The following SCUBE3 variants were observed in gnomAD, a reference collection of about 807,000 sequenced individuals.
The protein encoded by SCUBE3 is signal peptide, CUB and EGF-like domain-containing protein 3.
In SCUBE3, 33 loss-of-function variants were observed where a neutral mutation model predicts 116.8. The ratio of observed to expected loss-of-function variants is 0.28; its 90% CI spans 0.21 to 0.38. The LOEUF is 0.38. SCUBE3 is among the 10% of genes least tolerant of loss of function. The pLI is 1.00. For synonymous variants in SCUBE3, 418 were observed against 496.9 expected (o/e 0.84, Z 2.11); for missense variants, 1,007 against 1,324.8 (o/e 0.76, Z 3.72).
rs375209149 is a variant in SCUBE3 at position 35,227,725 on chromosome 6, A to G, written c.208+23A>G. On this transcript the variant is annotated intron_variant, in intron 2 of 21. Transcript: ENST00000274938. ...AAGGTGAGGCTGGAAGGGCACCTGG[A>G]GGAGAGGGACCTGTGGAAGAAGGCA... 3 of 1,613,522 alleles carry G rather than the reference A, an allele frequency of 1.9e-6. No homozygotes were observed. The East Asian group carries it at 6.7e-5, about 36-fold the overall frequency.
chr6:35,252,991 G>A lies in SCUBE3; in HGVS notation c.*4286G>A, dbSNP rs1784605231. 6.6e-6 allele frequency: 1 copy of A among 152,036 alleles called. No individual in the cohort carries two copies. Among genetic ancestry groups the A allele is most frequent in the African/African-American group, 2.4e-5 (1 of 41,382 alleles). 9.4% of individuals were successfully genotyped at this position (152,036 alleles called of 1,614,324 possible). ...AGTTCATAGAGTATTTTGCACTTGG[G>A]GAAAAATATGTATCTGAATTGTAAA... On this transcript the variant is annotated 3_prime_UTR_variant, in exon 22 of 22. Coordinates refer to ENST00000274938, the MANE Select transcript of SCUBE3 (RefSeq NM_152753.4).
rs1458802020 is a variant in SCUBE3, at chr6:35,248,924, ACTAC to A, written c.*223_*226del. On this transcript the variant is annotated 3_prime_UTR_variant, in exon 22 of 22. Coordinates refer to ENST00000274938, the MANE Select transcript of SCUBE3 (RefSeq NM_152753.4). Reference sequence around the variant, plus strand: ...TCTACTGTTCCCCCTTTTCTAACACACTACCTAGAAAAGCCATTCAGTACTGGCT... The same window carrying A: ...TCTACTGTTCCCCCTTTTCTAACACACTAGAAAAGCCATTCAGTACTGGCT... 3.5e-6 allele frequency: 2 copies of A among 564,726 alleles called. No individual in the cohort carries two copies. Among genetic ancestry groups the A allele is most frequent in the Non-Finnish European group, 6.3e-6 (2 of 318,500 alleles). The allele number at this position is 564,726 out of a possible 1,614,324, so 35.0% of individuals were successfully genotyped here. A position where few individuals can be genotyped will look rare whatever the true frequency, so the allele number is the denominator to read the frequency against.
Position 35,241,738 on chromosome 6 carries a change from C to T in SCUBE3, c.1313-68C>T, listed in dbSNP as rs1424334375. 5 of 1,505,818 alleles carry T rather than the reference C, an allele frequency of 3.3e-6. No homozygotes were observed. Among genetic ancestry groups the T allele is most frequent in the Middle Eastern group, 1.7e-4 (1 of 5,868 alleles). 93.3% of individuals were successfully genotyped at this position (1,505,818 alleles called of 1,614,324 possible). The stretch of plus-strand genomic sequence containing the variant: ...GCCGTTCAGGCAGCTCCTTCATTCC[C>T]CCTGGATTCCTCCAGCCAGCGGGGG... On this transcript the variant is annotated intron_variant, in intron 11 of 21. Transcript: ENST00000274938. The surrounding 1 kb of genome is among the most constrained non-coding windows in gnomAD (Gnocchi z 4.1).
intron 1 of SCUBE3, among the ~76,000 whole-genome samples, chr6:35,217,724 A>G (rs1782980831): frequency 6.6e-6 from 1 of 152,076 alleles, no homozygotes; most frequent in Admixed American, 6.5e-5. Flanking sequence ...TCAGCGGGTA[A>G]GGGTGGCCCC....
chr6:35,246,154 A>AG (rs1319143489), intron 20 of SCUBE3, 52 bp from the exon 21 acceptor site: 5 of 1,611,450 alleles, frequency 3.1e-6, no homozygotes, highest in Non-Finnish European at 4.2e-6. Flanking sequence ...GGGAACCAGG[A>AG]GAGCAGGAAG....
At chr6:35,238,800 G>A (rs774483689) in intron 7 of SCUBE3, among the ~76,000 whole-genome samples, 21 of 152,170 alleles carry the variant, frequency 1.4e-4, no homozygotes, top group Non-Finnish European at 2.8e-4. Context: ...TGAAAATGAT[G>A]ATTCATTAGG....
Position 35,227,490 on chromosome 6 carries a change from G to T in SCUBE3, c.86-90G>T, listed in dbSNP as rs533733799. The stretch of plus-strand genomic sequence containing the variant: ...GGGTCACTGCCTCTGTTTTAGAGAA[G>T]AGGGGATTCTGCCCTTGGAAGCCCA... On this transcript the variant is annotated intron_variant, in intron 1 of 21. Coordinates refer to ENST00000274938, the MANE Select transcript of SCUBE3 (RefSeq NM_152753.4). The T allele has an allele frequency of 5.1e-5, 71 of 1,391,094 alleles. No individual in the cohort carries two copies. The South Asian group carries it at 7.9e-4, about 16-fold the overall frequency. 86.2% of individuals were successfully genotyped at this position (1,391,094 alleles called of 1,614,324 possible).
At chr6:35,229,151 G>A (rs916459262) in intron 3 of SCUBE3, among the ~76,000 whole-genome samples, 3 of 152,184 alleles carry the variant, frequency 2.0e-5, no homozygotes, top group African/African-American at 4.8e-5. Context: ...GCTCACACCT[G>A]TAATCCCAGC....
In SCUBE3 at chr6:35,219,697, T is replaced by C. The variant is rs1290457799; in HGVS notation, c.85+5194T>C. Among the ~76,000 whole-genome samples the C allele has an allele frequency of 1.3e-5, 2 of 152,098 alleles. No individual in the cohort carries two copies. The highest frequency in any genetic ancestry group is 6.5e-5 in the Admixed American group (1 of 15,286). Reference sequence around the variant, plus strand: ...TGGGGAGTATCAGGATATGTGGGCATTGGGGGGAGGGCTGGGGAAGGGGAG... The same window carrying C: ...TGGGGAGTATCAGGATATGTGGGCACTGGGGGGAGGGCTGGGGAAGGGGAG... On this transcript the variant is annotated intron_variant, in intron 1 of 21. Coordinates refer to ENST00000274938, the MANE Select transcript of SCUBE3 (RefSeq NM_152753.4). The surrounding 1 kb of genome is among the most constrained non-coding windows in gnomAD (Gnocchi z 4.7).
Position 35,246,016 on chromosome 6 carries a change from C to G in SCUBE3, c.2672C>G (p.Ser891Cys), listed in dbSNP as rs1369571971. The change falls in exon 20 of 22, where the codon TCC (serine) becomes TGC (cysteine). Residue 891 changes from serine to cysteine, a missense_variant. By Grantham distance (112) the Ser-to-Cys change is moderately radical. This residue lies in a region of SCUBE3 where 118 missense variants were observed against 196.6 expected (regional missense o/e 0.60). Transcript: ENST00000274938. ...YERPIAFTAR[S>C]RKLWINFKTS... ...CGTCCCATTGCCTTCACTGCCCGTT[C>G]CAGGAAGCTCTGGATCAACTTCAAG... 6.2e-7 allele frequency: 1 copy of G among 1,614,140 alleles called. No individual in the cohort carries two copies. The highest frequency in any genetic ancestry group is 1.7e-5 in the Admixed American group (1 of 60,022).
rs1186694511 is a variant in SCUBE3, at chr6:35,240,037, C to G, written c.952+163C>G. ...AGCAAATGGTACTCTTTCCCCTCAGCGGACTAGCTCCATATCAAAGCATTC... is the reference window on the plus strand; with the variant it reads ...AGCAAATGGTACTCTTTCCCCTCAGGGGACTAGCTCCATATCAAAGCATTC... On this transcript the variant is annotated intron_variant, in intron 8 of 21. Coordinates refer to ENST00000274938, the MANE Select transcript of SCUBE3 (RefSeq NM_152753.4). This position sits in a 1 kb window ranked among gnomAD's most constrained non-coding sequence, Gnocchi z 4.6. Among the ~76,000 whole-genome samples the G allele has an allele frequency of 6.6e-6, 1 of 152,186 alleles. No homozygotes were observed. The highest frequency in any genetic ancestry group is 6.5e-5 in the Admixed American group (1 of 15,278).
chr6:35,222,861 T>C (rs1174433226), intron 1 of SCUBE3: 2 of 152,100 alleles, frequency 1.3e-5, no homozygotes, highest in Admixed American at 6.5e-5. Context: ...TCAGAAAGAA[T>C]ACAGGGAGAA....
In SCUBE3 at chr6:35,244,418, C is replaced by T. The variant is rs1468466807; in HGVS notation, c.2240-232C>T. Among the ~76,000 whole-genome samples, 1 of 152,190 alleles carries T rather than the reference C, an allele frequency of 6.6e-6. No homozygotes were observed. The highest frequency in any genetic ancestry group is 1.5e-5 in the Non-Finnish European group (1 of 68,030). ...AATGAGTTTCTATATAGGTTTGGCA[C>T]TGTGCTCAGCGTCTGAAAGAAAAGG... On this transcript the variant is annotated intron_variant, in intron 17 of 21. Transcript: ENST00000274938. This position sits in a 1 kb window ranked among gnomAD's most constrained non-coding sequence, Gnocchi z 4.3.
At chr6:35,230,167 A>C (rs1001420757) in intron 3 of SCUBE3, among the ~76,000 whole-genome samples, 4 of 152,186 alleles carry the variant, frequency 2.6e-5, no homozygotes, top group Non-Finnish European at 5.9e-5. Flanking sequence ...ATATCTGCCC[A>C]GTCACCCTTG....
chr6:35,242,614 T>C lies in SCUBE3; in HGVS notation c.1535-8T>C. ...ATGTCCCTGGGGTTGACAAGCCCTC[T>C]CTCCCAGGTGGTGCCCCCTGCTCTG... On this transcript the variant is annotated splice_polypyrimidine_tract_variant and splice_region_variant and intron_variant, in intron 13 of 21. Coordinates refer to ENST00000274938, the MANE Select transcript of SCUBE3 (RefSeq NM_152753.4). 6.2e-7 allele frequency: 1 copy of C among 1,602,284 alleles called. No individual in the cohort carries two copies. The highest frequency in any genetic ancestry group is 8.5e-7 in the Non-Finnish European group (1 of 1,170,320).
Position 35,227,463 on chromosome 6 carries a change from G to A in SCUBE3, c.86-117G>A, listed in dbSNP as rs188906834. On this transcript the variant is annotated intron_variant, in intron 1 of 21. Coordinates refer to ENST00000274938, the MANE Select transcript of SCUBE3 (RefSeq NM_152753.4). The stretch of plus-strand genomic sequence containing the variant: ...ATGTGAGACAGCACCTGTTTCTGGA[G>A]GGGGTCACTGCCTCTGTTTTAGAGA... 3.2e-4 allele frequency: 337 copies of A among 1,048,362 alleles called. 6 individuals carry two copies. The East Asian group carries it at 7.7e-3, about 24-fold the overall frequency. The allele number at this position is 1,048,362 out of a possible 1,614,324, so 64.9% of individuals were successfully genotyped here.
rs145011134 is a variant in SCUBE3 at position 35,228,338 on chromosome 6, A to G, written c.209-276A>G. 9.1e-3 allele frequency among the ~76,000 whole-genome samples: 1,384 copies of G among 152,364 alleles called. 14 individuals carry two copies. Among genetic ancestry groups the G allele is most frequent in the Non-Finnish European group, 0.013 (909 of 68,040 alleles). ...GGGAGAAGATGTTCTTTGATGCATTATCTATGATGGTAAAATAAATTAAAG... is the reference window on the plus strand; with the variant it reads ...GGGAGAAGATGTTCTTTGATGCATTGTCTATGATGGTAAAATAAATTAAAG... On this transcript the variant is annotated intron_variant, in intron 2 of 21. Transcript: ENST00000274938. The surrounding 1 kb of genome is among the most constrained non-coding windows in gnomAD (Gnocchi z 4.9).
chr6:35,241,525 C>A lies in SCUBE3; in HGVS notation c.1196-18C>A. 1 of 1,557,944 alleles carries A rather than the reference C, an allele frequency of 6.4e-7. No homozygotes were observed. The highest frequency in any genetic ancestry group is 8.9e-7 in the Non-Finnish European group (1 of 1,128,856). ...AAAGGAATGCATTCATTTGCTCAGGCCTCTCTCCCCTTCCTAGAGCCACTG... is the reference window on the plus strand; with the variant it reads ...AAAGGAATGCATTCATTTGCTCAGGACTCTCTCCCCTTCCTAGAGCCACTG... On this transcript the variant is annotated intron_variant, in intron 10 of 21. Coordinates refer to ENST00000274938, the MANE Select transcript of SCUBE3 (RefSeq NM_152753.4). This position sits in a 1 kb window ranked among gnomAD's most constrained non-coding sequence, Gnocchi z 4.1.
At chr6:35,223,796 G>A (rs1208826892) in intron 1 of SCUBE3, 3 of 152,212 alleles carry the variant, frequency 2.0e-5, no homozygotes, top group Non-Finnish European at 2.9e-5. Context: ...TGGTAGGAGA[G>A]AACTCTGGAA....
Sources: gnomAD v4.1 joint callset for allele counts (sites outside exome capture counted in the v4.1 genomes callset) on GRCh38, gnomAD v4.1.1 for gene constraint, gnomAD v4.1.1 regional missense constraint, Gnocchi (gnomAD v3.1) non-coding constraint, MANE v1.5 for transcripts, NCBI Gene and HGNC (gene_info 2026-07-23, HGNC 2026-07-21) for gene names.